Variants in CFAP299 observed in about 807,000 individuals in gnomAD.
The protein encoded by CFAP299 is cilia and flagella associated protein 299.
CFAP299 carries 21 observed loss-of-function variants against 27.0 expected under a neutral mutation model. That is an observed-to-expected ratio of 0.78 (90% CI 0.55 to 1.12). The LOEUF (loss-of-function observed/expected upper bound fraction) is 1.12, where lower values mean the gene tolerates loss of function less well. CFAP299 is among the 50% of genes most tolerant of loss of function. CFAP299 has a pLI of 0.00. For missense variants in CFAP299, 310 were observed against 276.6 expected (o/e 1.12, Z -0.86); for synonymous variants, 104 against 98.1 (o/e 1.06, Z -0.36).
At chr4:80,618,514 A>G (rs1301311351) in intron 3 of CFAP299, among the ~76,000 whole-genome samples, 3 of 152,118 alleles carry the variant, frequency 2.0e-5, no homozygotes, top group Non-Finnish European at 4.4e-5. Context: ...TGTATTAGGA[A>G]AAAAATGAAG....
chr4:80,683,235 C>T (rs935506191), intron 3 of CFAP299, among the ~76,000 whole-genome samples: 2 of 152,158 alleles, frequency 1.3e-5, no homozygotes, highest in Non-Finnish European at 2.9e-5. Context: ...AGCTCTAAAA[C>T]ATCTCAGAAG....
At chr4:80,543,309 T>A (rs2110201111) in intron 2 of CFAP299, among the ~76,000 whole-genome samples, 1 of 152,326 alleles carries the variant, frequency 6.6e-6, no homozygotes, top group South Asian at 2.1e-4. Flanking sequence ...GAATGTTTTC[T>A]TACCTCCTAA....
intron 4 of CFAP299, among the ~76,000 whole-genome samples, chr4:80,929,634 G>A (rs1736500774): frequency 6.6e-6 from 1 of 152,028 alleles, no homozygotes; most frequent in Admixed American, 6.6e-5. Flanking sequence ...TCTAGCCTGG[G>A]TTAATGAGAC....
chr4:80,593,634 T>C (rs914174322), intron 3 of CFAP299, among the ~76,000 whole-genome samples: 1 of 152,224 alleles, frequency 6.6e-6, no homozygotes, highest in Non-Finnish European at 1.5e-5. Flanking sequence ...ATTTTATCCA[T>C]CTTCTCAAAG....
At chr4:80,951,124 C>G (rs548358727) in intron 5 of CFAP299, among the ~76,000 whole-genome samples, 1 of 152,204 alleles carries the variant, frequency 6.6e-6, no homozygotes, top group Admixed American at 6.5e-5. Context: ...ATTTATAGGG[C>G]AAGATCTCTT....
At chr4:80,431,704 G>C (rs1433365454) in intron 2 of CFAP299, among the ~76,000 whole-genome samples, 1 of 152,150 alleles carries the variant, frequency 6.6e-6, no homozygotes, top group African/African-American at 2.4e-5. Context: ...GTCAAACTAG[G>C]ACATCACAGA....
At chr4:80,419,924 G>T (rs1485844950) in intron 2 of CFAP299, among the ~76,000 whole-genome samples, 1 of 152,040 alleles carries the variant, frequency 6.6e-6, no homozygotes, top group African/African-American at 2.4e-5. Flanking sequence ...CTGACAACAG[G>T]CAGATTAGTT....
intron 2 of CFAP299, among the ~76,000 whole-genome samples, chr4:80,511,172 A>G (rs780848069): frequency 2.6e-5 from 4 of 152,158 alleles, no homozygotes; most frequent in African/African-American, 4.8e-5. Context: ...ATCTTGAACA[A>G]TCTGTTTAAT....
intron 2 of CFAP299, among the ~76,000 whole-genome samples, chr4:80,577,078 C>T (rs1386451781): frequency 6.6e-6 from 1 of 152,128 alleles, no homozygotes; most frequent in Non-Finnish European, 1.5e-5. Flanking sequence ...AGTGAATTCT[C>T]ATTGTTTTCA....
At chr4:80,655,131 G>A (rs1426860533) in intron 3 of CFAP299, among the ~76,000 whole-genome samples, 1 of 151,972 alleles carries the variant, frequency 6.6e-6, no homozygotes, top group Non-Finnish European at 1.5e-5. Flanking sequence ...AGGAGTTTGT[G>A]TACTATACAG....
chr4:80,437,418 A>G (rs1286389201), intron 2 of CFAP299, among the ~76,000 whole-genome samples: 1 of 152,156 alleles, frequency 6.6e-6, no homozygotes. Context: ...TTTATTATTC[A>G]CAGAAATAGC....
intron 2 of CFAP299, among the ~76,000 whole-genome samples, chr4:80,562,657 C>CAATAAT (rs144281838): frequency 0.064 from 8,944 of 140,704 alleles, 380 homozygotes; most frequent in African/African-American, 0.12. Context: ...GACTCAATTT[C>CAATAAT]AATAATAATA....
intron 2 of CFAP299, among the ~76,000 whole-genome samples, chr4:80,375,578 C>T (rs1293680955): frequency 1.3e-5 from 2 of 152,202 alleles, no homozygotes; most frequent in Admixed American, 6.5e-5. Context: ...CTGTCACAGA[C>T]TAGCCTCTCT....
At chr4:80,444,270 T>C (rs1301982732) in intron 2 of CFAP299, among the ~76,000 whole-genome samples, 2 of 152,184 alleles carry the variant, frequency 1.3e-5, no homozygotes, top group Non-Finnish European at 2.9e-5. Flanking sequence ...GCTACCTGAC[T>C]TCAAACTATA....
intron 1 of CFAP299, among the ~76,000 whole-genome samples, chr4:80,360,475 T>C (rs1723487509): frequency 1.3e-5 from 2 of 152,232 alleles, no homozygotes; most frequent in African/African-American, 4.8e-5. Flanking sequence ...GAGCAAGGAT[T>C]GACAGCCTAT....
chr4:80,881,472 GA>G (rs1181532330), intron 4 of CFAP299, among the ~76,000 whole-genome samples: 1 of 152,170 alleles, frequency 6.6e-6, no homozygotes, highest in Non-Finnish European at 1.5e-5. Flanking sequence ...TATAAAATTG[GA>G]AAAAGCACAG....
chr4:80,421,664 A>T (rs1727290762), intron 2 of CFAP299, among the ~76,000 whole-genome samples: 2 of 152,114 alleles, frequency 1.3e-5, no homozygotes, highest in African/African-American at 4.8e-5. Context: ...GGTTTCTCAG[A>T]CTCCTTAGAA....
chr4:80,839,047 C>A (rs1206752042), intron 3 of CFAP299, among the ~76,000 whole-genome samples: 2 of 152,152 alleles, frequency 1.3e-5, no homozygotes, highest in East Asian at 1.9e-4. Flanking sequence ...TTAGTGCATA[C>A]AAGCTGCACT....
At chr4:80,693,626 G>T (rs1049420413) in intron 3 of CFAP299, among the ~76,000 whole-genome samples, 3 of 151,546 alleles carry the variant, frequency 2.0e-5, no homozygotes, top group Non-Finnish European at 2.9e-5. Context: ...CACCAGCATG[G>T]CACATGTATA....
Sources: allele counts gnomAD v4.1 joint callset (sites outside exome capture counted in the v4.1 genomes callset), GRCh38; gene constraint gnomAD v4.1.1; transcripts MANE v1.5; gene names NCBI Gene and HGNC (gene_info 2026-07-23, HGNC 2026-07-21).